The following ZBTB40 variants were observed in gnomAD, a reference collection of about 807,000 sequenced individuals.
ZBTB40 encodes zinc finger and BTB domain-containing protein 40.
A neutral mutation model predicts 117.5 loss-of-function variants in ZBTB40; 60 were observed. That is an observed-to-expected ratio of 0.51 (90% CI 0.41 to 0.63). The LOEUF is 0.63. Ranked by LOEUF, ZBTB40 falls within the 30% of genes least tolerant of loss-of-function variation. The pLI is 0.00. For synonymous variants in ZBTB40, 525 were observed against 577.1 expected, an observed-to-expected ratio of 0.91 and a Z score of 1.29; for missense variants, 1,287 against 1,498.5, an observed-to-expected ratio of 0.86 and a Z score of 2.33.
intron 1 of ZBTB40, among the ~76,000 whole-genome samples, chr1:22,429,786 A>G (rs1569725594): frequency 6.6e-6 from 1 of 152,044 alleles, no homozygotes; most frequent in South Asian, 2.1e-4. Flanking sequence ...TAAGGTTGGG[A>G]GTTCGAGACC....
chr1:22,515,787 T>C (rs1447764257), intron 12 of ZBTB40, among the ~76,000 whole-genome samples: 1 of 152,220 alleles, frequency 6.6e-6, no homozygotes, highest in Non-Finnish European at 1.5e-5. Flanking sequence ...CATGGACATC[T>C]TTGGGGGCCA....
intron 7 of ZBTB40, 45 bp from the exon 8 acceptor site, chr1:22,508,485 T>C: frequency 2.5e-6 from 4 of 1,606,306 alleles, no homozygotes; most frequent in Middle Eastern, 1.7e-4. Context: ...GCTGGGCTAG[T>C]GGCTGGAGAG....
At chr1:22,483,684 T>C (rs549232811) in intron 1 of ZBTB40, among the ~76,000 whole-genome samples, 72 of 152,186 alleles carry the variant, frequency 4.7e-4, no homozygotes, top group Admixed American at 9.2e-4. Context: ...TGGATAATAG[T>C]CTTTTATCAG....
At chr1:22,524,555 G>A in intron 17 of ZBTB40, 111 bp downstream of exon 17, 1 of 1,236,704 alleles carries the variant, frequency 8.1e-7, no homozygotes, top group Middle Eastern at 2.6e-4. Context: ...ATCTTGTAGA[G>A]AGTCTCTCTG....
upstream of ZBTB40, among the ~76,000 whole-genome samples, chr1:22,448,723 G>T (rs1443738641): frequency 6.6e-6 from 1 of 152,108 alleles, no homozygotes; most frequent in African/African-American, 2.4e-5. Context: ...TAATTAAAGG[G>T]CTTGGCATGG....
chr1:22,431,050 A>G (rs1308349094), intron 1 of ZBTB40, among the ~76,000 whole-genome samples: 1 of 151,780 alleles, frequency 6.6e-6, no homozygotes, highest in Non-Finnish European at 1.5e-5. Flanking sequence ...TAATTGTTCA[A>G]ATGTTCTGTA....
intron 1 of ZBTB40, among the ~76,000 whole-genome samples, chr1:22,474,578 C>G (rs1285799229): frequency 6.6e-6 from 1 of 152,140 alleles, no homozygotes; most frequent in African/African-American, 2.4e-5. Flanking sequence ...GTAGCAAACC[C>G]CTCATTTCTT....
At chr1:22,501,718 G>A in intron 4 of ZBTB40, 34 bp downstream of exon 4, 1 of 1,603,502 alleles carries the variant, frequency 6.2e-7, no homozygotes, top group African/African-American at 1.3e-5. Context: ...GAATGGCAGG[G>A]TTTTATTTTG....
At chr1:22,460,319 A>T (rs573149590) in intron 1 of ZBTB40, among the ~76,000 whole-genome samples, 1 of 152,324 alleles carries the variant, frequency 6.6e-6, no homozygotes, top group South Asian at 2.1e-4. Flanking sequence ...ACTGGGTCAT[A>T]GTACTTGGTT....
intron 3 of ZBTB40, among the ~76,000 whole-genome samples, chr1:22,496,030 T>C (rs533998570): frequency 3.9e-5 from 6 of 152,326 alleles, no homozygotes; most frequent in Admixed American, 3.3e-4. Flanking sequence ...TTTTCTGACA[T>C]GTGTCTGCCT....
At chr1:22,440,150 ATTTTTGTG>A (rs1363414791) in intron 1 of ZBTB40, among the ~76,000 whole-genome samples, 9 of 152,108 alleles carry the variant, frequency 5.9e-5, no homozygotes, top group Admixed American at 2.6e-4. Flanking sequence ...AATACAACTG[ATTTTTGTG>A]TGTTGACTTT....
At chr1:22,523,958 C>G (rs1310002001) in intron 16 of ZBTB40, among the ~76,000 whole-genome samples, 1 of 152,170 alleles carries the variant, frequency 6.6e-6, no homozygotes, top group Non-Finnish European at 1.5e-5. Flanking sequence ...CAGATTTGGC[C>G]TGAATCTGAT....
intron 3 of ZBTB40, among the ~76,000 whole-genome samples, chr1:22,493,316 A>G (rs544875522): frequency 5.8e-4 from 88 of 152,308 alleles, no homozygotes; most frequent in African/African-American, 2.0e-3. Context: ...TTTAAAGCCA[A>G]TTCTGTTACA....
At chr1:22,460,806 C>G (rs6701550) in intron 1 of ZBTB40, among the ~76,000 whole-genome samples, 148,889 of 152,288 alleles carry the variant, frequency 0.98, 72,882 homozygotes, top group East Asian at 1. Flanking sequence ...AGAGTCAAGA[C>G]CCACTCTTCA....
chr1:22,431,382 G>GTATATATATATATATATATA (rs1308135309), intron 1 of ZBTB40, among the ~76,000 whole-genome samples: 2 of 15,484 alleles, frequency 1.3e-4, no homozygotes, highest in Admixed American at 1.1e-3. Context: ...GTGTGTGTGT[G>GTATATATATATATATATATA]TGTATATATA....
chr1:22,508,533 A>G lies in ZBTB40; in HGVS notation c.1501A>G (p.Met501Val), dbSNP rs775551200. The change falls in exon 8 of 18, where the codon ATG becomes GTG. Residue 501 changes from methionine (M) to valine (V), a missense_variant. This residue lies in a region of ZBTB40 where 870 missense variants were observed against 934.4 expected (regional missense o/e 0.93). Transcript: ENST00000375647. Reference protein sequence around the residue: ...TSLAPGEREVMEKLVKRDSGS... With the variant: ...TSLAPGEREVVEKLVKRDSGS... The stretch of plus-strand genomic sequence containing the variant: ...GTGTTTGTGTTACATCTTGAAGGTC[A>G]TGGAGAAGCTTGTGAAACGTGACTC... 8.7e-6 allele frequency: 14 copies of G among 1,614,080 alleles called. No individual in the cohort carries two copies. In the African/African-American group the frequency reaches 1.9e-4, roughly 22 times the overall value.
chr1:22,494,787 C>T (rs1458532606), intron 3 of ZBTB40, among the ~76,000 whole-genome samples: 1 of 152,196 alleles, frequency 6.6e-6, no homozygotes, highest in African/African-American at 2.4e-5. Flanking sequence ...AAGACTTGAT[C>T]CCTGTCCTTA....
At chr1:22,450,720 A>G (rs543505927), upstream of ZBTB40, among the ~76,000 whole-genome samples, 9 of 152,352 alleles carry the variant, frequency 5.9e-5, no homozygotes, top group South Asian at 6.2e-4. Context: ...ACCGGGAGAC[A>G]GCAACAATGC....
chr1:22,524,016 C>T (rs1399351086), intron 16 of ZBTB40, among the ~76,000 whole-genome samples: 1 of 152,190 alleles, frequency 6.6e-6, no homozygotes, highest in Non-Finnish European at 1.5e-5. Flanking sequence ...TGGACCCTTC[C>T]AAGGCTCTGT....
Sources: gnomAD v4.1 joint callset for allele counts (sites outside exome capture counted in the v4.1 genomes callset) on GRCh38, gnomAD v4.1.1 for gene constraint, gnomAD v4.1.1 regional missense constraint, MANE v1.5 for transcripts, NCBI Gene and HGNC (gene_info 2026-07-23, HGNC 2026-07-21) for gene names.